Variants in PTPN4 observed in about 807,000 individuals in gnomAD.
PTPN4 encodes protein tyrosine phosphatase non-receptor type 4.
Under a neutral mutation model 135.5 loss-of-function variants are expected in PTPN4, and 49 were observed. The ratio of observed to expected loss-of-function variants is 0.36; its 90% CI spans 0.29 to 0.46. The LOEUF (loss-of-function observed/expected upper bound fraction) is 0.46. Ranked by LOEUF, PTPN4 falls within the 20% of genes least tolerant of loss-of-function variation. PTPN4 has a pLI of 1.00. For synonymous variants in PTPN4, 333 were observed against 369.9 expected, an observed-to-expected ratio of 0.90 and a Z score of 1.14; for missense variants, 860 against 1,101.0, an observed-to-expected ratio of 0.78 and a Z score of 3.10.
At chr2:119,793,797 G>A (rs1171035987) in intron 1 of PTPN4, among the ~76,000 whole-genome samples, 1 of 130,902 alleles carries the variant, frequency 7.6e-6, no homozygotes, top group East Asian at 2.3e-4. Flanking sequence ...TGTATATTTT[G>A]CTTCTTAGGT....
chr2:119,837,617 G>A (rs190858136), intron 2 of PTPN4, among the ~76,000 whole-genome samples: 19 of 152,248 alleles, frequency 1.2e-4, no homozygotes, highest in Admixed American at 5.9e-4. Context: ...GCTAAAACAC[G>A]CCCCCTGCTC....
chr2:119,813,276 T>C (rs1249888567), intron 2 of PTPN4, among the ~76,000 whole-genome samples: 1 of 151,440 alleles, frequency 6.6e-6, no homozygotes, highest in Non-Finnish European at 1.5e-5. Context: ...AGACGGAGTT[T>C]CGCTGTTGTT....
chr2:119,761,147 T>C (rs549842125), intron 1 of PTPN4, among the ~76,000 whole-genome samples: 1 of 152,348 alleles, frequency 6.6e-6, no homozygotes, highest in South Asian at 2.1e-4. Context: ...TCAGTAATAC[T>C]AAGTTTCTGT....
rs530674054 is a variant in PTPN4 at position 119,882,003 on chromosome 2, A to C, written c.414-94A>C. The C allele has an allele frequency of 5.7e-6, 7 of 1,237,508 alleles. No homozygotes were observed. The South Asian group carries it at 8.7e-5, about 15-fold the overall frequency. 76.7% of individuals were successfully genotyped at this position (1,237,508 alleles called of 1,614,324 possible). ...TTCTTAACAGTTAAAATCAAATCAC[A>C]TGAAACTTCAAGTGTGATTGTTTAA... On this transcript the variant is annotated intron_variant, in intron 6 of 26. Transcript: ENST00000263708.
At chr2:119,774,347 T>A (rs1397007758) in intron 1 of PTPN4, among the ~76,000 whole-genome samples, 2 of 152,210 alleles carry the variant, frequency 1.3e-5, no homozygotes, top group African/African-American at 2.4e-5. Context: ...GAGAAATGAA[T>A]CCAGGATAAA....
intron 26 of PTPN4, among the ~76,000 whole-genome samples, chr2:119,973,973 C>T (rs1420327596): frequency 6.6e-6 from 1 of 152,030 alleles, no homozygotes; most frequent in Non-Finnish European, 1.5e-5. Flanking sequence ...AGCTGGACTA[C>T]TTCTTTAAAG....
intron 10 of PTPN4, among the ~76,000 whole-genome samples, chr2:119,914,247 A>ACTTTTTTTTTT: frequency 8.9e-6 from 1 of 111,982 alleles, no homozygotes; most frequent in African/African-American, 6.3e-5. Flanking sequence ...ATAGTTACTC[A>ACTTTTTTTTTT]ATTTTTTTTT....
At chr2:119,798,210 A>C (rs2104940565) in intron 1 of PTPN4, among the ~76,000 whole-genome samples, 1 of 148,842 alleles carries the variant, frequency 6.7e-6, no homozygotes, top group East Asian at 2.0e-4. Context: ...CTTGTCACCC[A>C]GGCTGGAGTG....
intron 12 of PTPN4, among the ~76,000 whole-genome samples, chr2:119,924,998 C>T (rs1388938592): frequency 6.6e-6 from 1 of 152,088 alleles, no homozygotes; most frequent in Non-Finnish European, 1.5e-5. Flanking sequence ...TTCAGGACTC[C>T]CTGGGCTGGA....
chr2:119,796,739 T>C (rs547282041), intron 1 of PTPN4, among the ~76,000 whole-genome samples: 1 of 152,322 alleles, frequency 6.6e-6, no homozygotes, highest in South Asian at 2.1e-4. Flanking sequence ...ATATGTTCAA[T>C]TTTGTAAGAA....
At chr2:119,952,409 T>A (rs1574418720) in intron 19 of PTPN4, among the ~76,000 whole-genome samples, 1 of 152,254 alleles carries the variant, frequency 6.6e-6, no homozygotes, top group East Asian at 1.9e-4. Context: ...TCCTTGCTGT[T>A]CCCTGTGCTG....
chr2:119,943,835 G>T (rs12468015), intron 15 of PTPN4, among the ~76,000 whole-genome samples: 11,453 of 151,480 alleles, frequency 0.076, 555 homozygotes, highest in Non-Finnish European at 0.11. Context: ...CTCGTGATCC[G>T]CCCACCCCGG....
chr2:119,876,039 G>A (rs1418692712), intron 3 of PTPN4, among the ~76,000 whole-genome samples: 1 of 152,108 alleles, frequency 6.6e-6, no homozygotes, highest in East Asian at 1.9e-4. Context: ...GAAATCTAGA[G>A]GGCATTCTGT....
At position 119,817,331 on chromosome 2, in the gene PTPN4, CT is replaced by C. The variant is rs761567002; in HGVS notation, c.138+7354del. 7.5e-3 allele frequency among the ~76,000 whole-genome samples: 1,035 copies of C among 138,276 alleles called. 2 individuals are homozygous for C. Among genetic ancestry groups the C allele is most frequent in the African/African-American group, 0.015 (554 of 38,060 alleles). 90.7% of individuals were successfully genotyped at this position (138,276 alleles called of 152,430 possible). On this transcript the variant is annotated intron_variant, in intron 2 of 26. Coordinates refer to ENST00000263708, the MANE Select transcript of PTPN4 (RefSeq NM_002830.4). ...TGAATACAGAATCCTTTCCCCATTG[CT>C]TTTTTTTTTTTTTAATACTTTAATT...
At chr2:119,918,379 T>C (rs1451781952) in intron 11 of PTPN4, among the ~76,000 whole-genome samples, 1 of 152,210 alleles carries the variant, frequency 6.6e-6, no homozygotes, top group African/African-American at 2.4e-5. Context: ...CATCAAAAGA[T>C]ATCACTAAGA....
Position 119,955,279 on chromosome 2 carries a change from C to G in PTPN4, c.1936C>G (p.Leu646Val). The G allele has an allele frequency of 6.2e-7, 1 of 1,613,304 alleles. No homozygotes were observed. Among genetic ancestry groups the G allele is most frequent in the Non-Finnish European group, 8.5e-7 (1 of 1,179,718 alleles). The change falls in exon 20 of 27, where the codon CTA becomes GTA. Residue 646 changes from leucine to valine, a missense_variant. Coordinates refer to ENST00000263708, the MANE Select transcript of PTPN4 (RefSeq NM_002830.4). ...TTCCCTGCGGGAGTCAATGATCCAGCTAGCTGAGGGGCTTATCACTGGAAC... is the reference window on the plus strand; with the variant it reads ...TTCCCTGCGGGAGTCAATGATCCAGGTAGCTGAGGGGCTTATCACTGGAAC... Reference protein sequence around the residue: ...DHSLRESMIQLAEGLITGTVL... With the variant: ...DHSLRESMIQVAEGLITGTVL...
intron 15 of PTPN4, among the ~76,000 whole-genome samples, 157 bp from the exon 16 acceptor site, chr2:119,944,924 C>G (rs910587410): frequency 3.3e-5 from 5 of 151,926 alleles, no homozygotes; most frequent in Non-Finnish European, 7.4e-5. Flanking sequence ...AGATTTATTA[C>G]TTCAAAGTTA....
intron 14 of PTPN4, among the ~76,000 whole-genome samples, chr2:119,933,761 G>C (rs2105038780): frequency 6.6e-6 from 1 of 152,040 alleles, no homozygotes; most frequent in South Asian, 2.1e-4. Context: ...TACATAAACA[G>C]TTTGGTTCAC....
At chr2:119,934,668 T>C (rs1481885882) in intron 14 of PTPN4, 132 bp from the exon 15 acceptor site, 35 of 844,808 alleles carry the variant, frequency 4.1e-5, no homozygotes, top group African/African-American at 6.9e-5. Context: ...ACTGTCTTTT[T>C]CAGAGATTGC....
Sources: allele counts gnomAD v4.1 joint callset (sites outside exome capture counted in the v4.1 genomes callset), GRCh38; gene constraint gnomAD v4.1.1; transcripts MANE v1.5; gene names NCBI Gene and HGNC (gene_info 2026-07-23, HGNC 2026-07-21).